PCDHA6: variants seen among roughly 807,000 people sequenced by gnomAD.
PCDHA6 encodes the protein protocadherin alpha 6, also known as protocadherin alpha-6.
Under a neutral mutation model 60.3 loss-of-function variants are expected in PCDHA6, and 55 were observed. The observed-to-expected ratio is 0.91, with a 90% CI of 0.73 to 1.14. PCDHA6 has a LOEUF of 1.14. PCDHA6 is among the 50% of genes most tolerant of loss of function. The pLI is 0.00. For missense variants in PCDHA6, 1,327 were observed against 1,256.5 expected, an observed-to-expected ratio of 1.06 and a Z score of -0.85; for synonymous variants, 652 against 557.9, an observed-to-expected ratio of 1.17 and a Z score of -2.38.
chr5:140,923,039 A>G (rs998399771), intron 1 of PCDHA6, among the ~76,000 whole-genome samples: 2 of 152,236 alleles, frequency 1.3e-5, no homozygotes, highest in Non-Finnish European at 2.9e-5. Context: ...TACTACATGT[A>G]TAGTATTTAG....
At position 140,883,299 on chromosome 5, in the gene PCDHA6, A is replaced by G. The variant is rs200799645; in HGVS notation, c.2394+52814A>G. 1.4e-5 allele frequency: 22 copies of G among 1,614,110 alleles called. No homozygotes were observed. In the African/African-American group the frequency reaches 2.9e-4, roughly 22 times the overall value. On this transcript the variant is annotated intron_variant, in intron 1 of 3. Coordinates refer to ENST00000529310, the MANE Select transcript of PCDHA6 (RefSeq NM_018909.4). ...CTTTTGGTGGAAGTACTAGATGTAA[A>G]TGATAACGCCCCAGAGGTTACCATC...
At chr5:140,975,610 C>T (rs1412581927) in intron 1 of PCDHA6, among the ~76,000 whole-genome samples, 5 of 152,160 alleles carry the variant, frequency 3.3e-5, no homozygotes, top group Non-Finnish European at 7.4e-5. Flanking sequence ...TGATGTCTTC[C>T]ACATGGATTT....
At chr5:140,904,125 C>G (rs2070849198) in intron 1 of PCDHA6, among the ~76,000 whole-genome samples, 1 of 151,972 alleles carries the variant, frequency 6.6e-6, no homozygotes, top group East Asian at 1.9e-4. Flanking sequence ...TTTTGGTGCA[C>G]CCATCACCCG....
At chr5:140,884,428 G>C in intron 1 of PCDHA6, 1 of 1,613,962 alleles carries the variant, frequency 6.2e-7, no homozygotes, top group Non-Finnish European at 8.5e-7. Context: ...TGTATACTGC[G>C]CTGCGGTGCT....
chr5:140,881,803 T>A (rs574659861), intron 1 of PCDHA6, among the ~76,000 whole-genome samples: 5 of 152,058 alleles, frequency 3.3e-5, no homozygotes, highest in Non-Finnish European at 7.3e-5. Context: ...CCAAAACGAG[T>A]GTCGAATATT....
intron 1 of PCDHA6, among the ~76,000 whole-genome samples, chr5:140,846,568 G>A (rs1403872525): frequency 6.7e-6 from 1 of 148,182 alleles, no homozygotes; most frequent in Non-Finnish European, 1.5e-5. Context: ...TAGAGTCGGG[G>A]TTTCACCATG....
chr5:140,996,232 T>C (rs1054290986), intron 3 of PCDHA6, among the ~76,000 whole-genome samples: 13 of 152,302 alleles, frequency 8.5e-5, no homozygotes, highest in South Asian at 4.1e-4. Flanking sequence ...AAATGGTTGC[T>C]CAAGGCTGAG....
At chr5:140,836,045 C>T (rs2150251351) in intron 1 of PCDHA6, 3 of 1,613,202 alleles carry the variant, frequency 1.9e-6, no homozygotes, top group East Asian at 2.2e-5. Context: ...TGCAGGTGTT[C>T]GTGCTGGACG....
intron 1 of PCDHA6, among the ~76,000 whole-genome samples, chr5:140,886,356 T>C (rs1457178977): frequency 1.3e-5 from 2 of 152,194 alleles, no homozygotes; most frequent in South Asian, 2.1e-4. Flanking sequence ...GTTTGTTACA[T>C]AGGTGTACAT....
At chr5:140,967,524 A>G in intron 1 of PCDHA6, 1 of 1,612,564 alleles carries the variant, frequency 6.2e-7, no homozygotes, top group Non-Finnish European at 8.5e-7. Context: ...ACTAACGACA[A>G]CTCTCCTGCC....
rs1205531440 is a variant in PCDHA6, at chr5:140,868,945, T to C, written c.2394+38460T>C. On this transcript the variant is annotated intron_variant, in intron 1 of 3. Transcript: ENST00000529310. ...TTCATTTAAAGGTTGGTCTGAACAG[T>C]GAGGCACTCCCATACAAAGGAACTC... 5 of 1,284,792 alleles carry C rather than the reference T, an allele frequency of 3.9e-6. No individual in the cohort carries two copies. The Admixed American group carries it at 1.1e-4, about 28-fold the overall frequency. The allele number at this position is 1,284,792 out of a possible 1,614,324, so 79.6% of individuals were successfully genotyped here. A position where few individuals can be genotyped will look rare whatever the true frequency, so the allele number is the denominator to read the frequency against.
chr5:140,996,659 T>C (rs2097736809), intron 3 of PCDHA6, among the ~76,000 whole-genome samples: 1 of 152,230 alleles, frequency 6.6e-6, no homozygotes, highest in Non-Finnish European at 1.5e-5. Context: ...GGGTGCAGGC[T>C]AGTTTTTGAA....
intron 3 of PCDHA6, among the ~76,000 whole-genome samples, chr5:141,005,816 G>A (rs1295998009): frequency 1.3e-5 from 2 of 151,804 alleles, no homozygotes; most frequent in African/African-American, 4.8e-5. Context: ...AGCCAGGTAT[G>A]GTGGCCTGTA....
intron 1 of PCDHA6, among the ~76,000 whole-genome samples, chr5:140,874,476 A>G (rs1024531291): frequency 1.1e-4 from 17 of 152,236 alleles, no homozygotes; most frequent in Non-Finnish European, 8.8e-5. Context: ...TTAGAGAAAA[A>G]GCAAAAGGTT....
At chr5:140,966,490 T>G (rs533525977) in intron 1 of PCDHA6, 2 of 437,964 alleles carry the variant, frequency 4.6e-6, no homozygotes, top group Non-Finnish European at 7.9e-6. Flanking sequence ...TCCCTCCCCC[T>G]GGAGCTGTAG....
At chr5:140,893,119 C>T (rs2063831505) in intron 1 of PCDHA6, among the ~76,000 whole-genome samples, 1 of 152,174 alleles carries the variant, frequency 6.6e-6, no homozygotes, top group Admixed American at 6.5e-5. Context: ...TGTGCATATA[C>T]ACCACATTTT....
chr5:140,886,886 T>C (rs1554182794), intron 1 of PCDHA6, among the ~76,000 whole-genome samples: 1 of 151,610 alleles, frequency 6.6e-6, no homozygotes, highest in African/African-American at 2.4e-5. Flanking sequence ...CATTCATTAA[T>C]TAAATGCATT....
intron 1 of PCDHA6, chr5:140,857,672 C>T: frequency 2.5e-6 from 4 of 1,596,908 alleles, no homozygotes; most frequent in Middle Eastern, 3.8e-4. Context: ...TGGGGGCGTG[C>T]CGCCTCTGGG....
At chr5:140,871,117 G>T in intron 1 of PCDHA6, 2 of 1,613,286 alleles carry the variant, frequency 1.2e-6, no homozygotes, top group Non-Finnish European at 1.7e-6. Flanking sequence ...GGTGGAGAGC[G>T]GACAGGCGCC....
Sources: allele counts gnomAD v4.1 joint callset (sites outside exome capture counted in the v4.1 genomes callset), GRCh38; gene constraint gnomAD v4.1.1; transcripts MANE v1.5; gene names NCBI Gene and HGNC (gene_info 2026-07-23, HGNC 2026-07-21).